GSTM2: variants seen among roughly 807,000 people sequenced by gnomAD.
The protein encoded by GSTM2 is glutathione S-transferase mu 2, also known as GST class-mu 2.
A neutral mutation model predicts 33.3 loss-of-function variants in GSTM2; 33 were observed. The ratio of observed to expected loss-of-function variants is 0.99; its 90% CI spans 0.75 to 1.33. The LOEUF is 1.33. Among genes scored for constraint, GSTM2 ranks in the 40% most tolerant of loss-of-function variants. The pLI is 0.00. For synonymous variants in GSTM2, 93 were observed against 95.6 expected, an observed-to-expected ratio of 0.97 and a Z score of 0.16; for missense variants, 213 against 265.8, an observed-to-expected ratio of 0.80 and a Z score of 1.38.
downstream of GSTM2, among the ~76,000 whole-genome samples, chr1:109,678,874 T>C (rs1305342286): frequency 6.6e-6 from 1 of 152,200 alleles, no homozygotes; most frequent in African/African-American, 2.4e-5. Flanking sequence ...TGCCTAGTCA[T>C]TCTTATGCTA....
intron 7 of GSTM2, among the ~76,000 whole-genome samples, chr1:109,672,753 G>A (rs1445065288): frequency 2.0e-5 from 3 of 152,210 alleles, no homozygotes; most frequent in Non-Finnish European, 4.4e-5. Context: ...CCCATGTGGG[G>A]AATCCTGAGA....
At position 109,673,743 on chromosome 1, in the gene GSTM2, T is replaced by C. The variant is rs558405698; in HGVS notation, c.568-1004T>C. Reference sequence around the variant, plus strand: ...CCTACCAAGTAGCTGGGATTACAGGTGCCCGCCACCATGACCAGCTAATTT... The same window carrying C: ...CCTACCAAGTAGCTGGGATTACAGGCGCCCGCCACCATGACCAGCTAATTT... On this transcript the variant is annotated intron_variant, in intron 7 of 7. Transcript: ENST00000241337. 1.3e-3 allele frequency among the ~76,000 whole-genome samples: 203 copies of C among 152,254 alleles called. 1 individual carries two copies. Among genetic ancestry groups the C allele is most frequent in the Non-Finnish European group, 2.5e-3 (170 of 68,014 alleles).
At chr1:109,681,838 A>G in intron 7 of GSTM2, 1 of 1,599,728 alleles carries the variant, frequency 6.3e-7, no homozygotes, top group Non-Finnish European at 8.5e-7. Flanking sequence ...CAGGCTGGTA[A>G]GTGACAGTGA....
At chr1:109,668,292 G>A (rs115585507) in intron 1 of GSTM2, 133 bp from the exon 2 acceptor site, 37,372 of 1,338,208 alleles carry the variant, frequency 0.028, 783 homozygotes, top group African/African-American at 0.072. Flanking sequence ...CTGTCTGTGC[G>A]TGTGGCTGGG....
At chr1:109,670,797 G>A (rs2101249461) in intron 5 of GSTM2, 1 of 156,272 alleles carries the variant, frequency 6.4e-6, no homozygotes, top group African/African-American at 2.4e-5. Flanking sequence ...ACAGCTTAGG[G>A]GCAGCCAGAG....
chr1:109,671,426 T>C (rs1647540462), intron 6 of GSTM2, 44 bp downstream of exon 6: 2 of 1,574,282 alleles, frequency 1.3e-6, no homozygotes, highest in Admixed American at 1.7e-5. Context: ...TTGTCATACT[T>C]CCTATATTAT....
chr1:109,671,000 T>C, intron 5 of GSTM2: 1 of 401,828 alleles, frequency 2.5e-6, no homozygotes. Flanking sequence ...GGTGCTCAGG[T>C]GCTCCTGGGG....
intron 7 of GSTM2, among the ~76,000 whole-genome samples, chr1:109,671,952 C>T (rs1315405142): frequency 5.9e-5 from 7 of 118,660 alleles, no homozygotes; most frequent in African/African-American, 2.0e-4. Context: ...GCCTGTATGA[C>T]AGAGTGTGAC....
chr1:109,672,151 A>G (rs927584871), intron 7 of GSTM2, among the ~76,000 whole-genome samples: 13 of 146,768 alleles, frequency 8.9e-5, no homozygotes, highest in Non-Finnish European at 1.9e-4. Flanking sequence ...GTGGTGGCAC[A>G]TGCCTATAAT....
At position 109,669,340 on chromosome 1, in the gene GSTM2, C is replaced by G. The variant is rs758585781; in HGVS notation, c.228C>G (p.Ile76Met). ...GTHKITQSNA[I>M]LRYIARKHNL... ...ACAAGATCACCCAGAGCAACGCCATCCTGCGGTACATTGCCCGCAAGCACA... is the reference window on the plus strand; with the variant it reads ...ACAAGATCACCCAGAGCAACGCCATGCTGCGGTACATTGCCCGCAAGCACA... The change falls in exon 4 of 8, where the codon ATC becomes ATG. Residue 76 changes from isoleucine to methionine, a missense_variant. Coordinates refer to ENST00000241337, the MANE Select transcript of GSTM2 (RefSeq NM_000848.4). 6.2e-7 allele frequency: 1 copy of G among 1,614,236 alleles called. No homozygotes were observed. The highest frequency in any genetic ancestry group is 8.5e-7 in the Non-Finnish European group (1 of 1,180,036).
intron 5 of GSTM2, chr1:109,670,568 T>C (rs1411931403): frequency 1.3e-5 from 2 of 152,246 alleles, no homozygotes; most frequent in Non-Finnish European, 2.9e-5. Context: ...GAATTCACTC[T>C]CTAGACAGTA....
chr1:109,671,508 T>C lies in GSTM2; in HGVS notation c.492T>C (p.Leu164=), dbSNP rs764914762. The change falls in exon 7 of 8, where the codon CTT becomes CTC. Residue 164 remains leucine, a synonymous_variant. Transcript: ENST00000241337. The part of the protein sequence containing the change: ...TFVDFIAYDV[L]ERNQVFEPSC... ...TGGATTTCATCGCTTATGATGTCCT[T>C]GAGAGAAACCAAGTATTTGAGCCCA... The C allele has an allele frequency of 1.2e-6, 2 of 1,613,476 alleles. No homozygotes were observed. Among genetic ancestry groups the C allele is most frequent in the South Asian group, 2.2e-5 (2 of 91,058 alleles).
At chr1:109,675,655 G>A (rs1179341305), downstream of GSTM2, among the ~76,000 whole-genome samples, 1 of 152,130 alleles carries the variant, frequency 6.6e-6, no homozygotes, top group African/African-American at 2.4e-5. Flanking sequence ...CTATATGACT[G>A]CATCACTTCT....
intron 7 of GSTM2, among the ~76,000 whole-genome samples, chr1:109,682,956 G>A (rs2101269184): frequency 8.7e-6 from 1 of 114,434 alleles, no homozygotes; most frequent in East Asian, 2.1e-4. Context: ...TTTGCCTTGA[G>A]AATGTAAGAA....
chr1:109,682,395 C>T lies in GSTM2; in HGVS notation c.567+10812C>T, dbSNP rs1472039496. ...AGCTGGGACTACAGGTGTCTGCCACCACGCCCAGCTAATTTTTTGTATTGT... is the reference window on the plus strand; with the variant it reads ...AGCTGGGACTACAGGTGTCTGCCACTACGCCCAGCTAATTTTTTGTATTGT... On this transcript the variant is annotated intron_variant, in intron 7 of 7. Transcript: ENST00000369831. Among the ~76,000 whole-genome samples, 3 of 61,842 alleles carry T rather than the reference C, an allele frequency of 4.9e-5. No homozygotes were observed. The Admixed American group carries it at 4.9e-4, about 10-fold the overall frequency. The allele number at this position is 61,842 out of a possible 152,430, so 40.6% of individuals were successfully genotyped here. A position where few individuals can be genotyped will look rare whatever the true frequency, so the allele number is the denominator to read the frequency against.
downstream of GSTM2, among the ~76,000 whole-genome samples, chr1:109,680,279 CAAAAAAAA>C (rs5776993): frequency 0.016 from 2,072 of 131,056 alleles, 54 homozygotes; most frequent in African/African-American, 0.052. Flanking sequence ...GTACACATAG[CAAAAAAAA>C]AAAAAAAAAT....
At chr1:109,669,677 C>A in intron 5 of GSTM2, 106 bp downstream of exon 5, 1 of 701,702 alleles carries the variant, frequency 1.4e-6, no homozygotes, top group South Asian at 1.7e-5. Flanking sequence ...AGTTCTTGGT[C>A]TTGCTGACTC....
chr1:109,672,662 A>G (rs970510800), intron 7 of GSTM2, among the ~76,000 whole-genome samples: 28 of 152,196 alleles, frequency 1.8e-4, no homozygotes, highest in African/African-American at 2.7e-4. Context: ...AGTAGGACTG[A>G]CACACAGTAG....
At chr1:109,679,054 C>T (rs1311207823), downstream of GSTM2, among the ~76,000 whole-genome samples, 1 of 152,092 alleles carries the variant, frequency 6.6e-6, no homozygotes, top group Non-Finnish European at 1.5e-5. Context: ...TTTCATTGCT[C>T]TCCAGAGACA....
Sources: gnomAD v4.1 joint callset for allele counts (sites outside exome capture counted in the v4.1 genomes callset) on GRCh38, gnomAD v4.1.1 for gene constraint, MANE v1.5 for transcripts, NCBI Gene and HGNC (gene_info 2026-07-23, HGNC 2026-07-21) for gene names.